The following DUSP9 variants were observed in gnomAD, a reference collection of about 807,000 sequenced individuals.
DUSP9 encodes the protein dual specificity protein phosphatase 9.
Under a neutral mutation model 13.2 loss-of-function variants are expected in DUSP9, and 4 were observed. The observed-to-expected ratio is 0.30, with a 90% CI of 0.15 to 0.69. The LOEUF (loss-of-function observed/expected upper bound fraction) is 0.69, where lower values mean the gene tolerates loss of function less well. Among genes scored for constraint, DUSP9 ranks in the 30% least tolerant of loss-of-function variants. DUSP9 has a pLI of 0.73. For missense variants in DUSP9, 263 were observed against 355.0 expected, an observed-to-expected ratio of 0.74 and a Z score of 2.08; for synonymous variants, 166 against 172.3, an observed-to-expected ratio of 0.96 and a Z score of 0.29.
upstream of DUSP9, chrX:153,642,591 G>T (rs1357594448): frequency 8.9e-6 from 1 of 112,071 alleles, no homozygotes; most frequent in African/African-American, 3.2e-5. Context: ...GAACCGGCGC[G>T]GAGAACCGAG....
chrX:153,649,461 A>G lies in DUSP9; in HGVS notation c.603A>G (p.Ala201=). Residue 201 remains alanine, a synonymous_variant, in exon 3 of 4, where the codon GCA becomes GCG. Transcript: ENST00000342782. ...CACCCCCACCAGTGGGGCTGCGGGC[A>G]TCCTTCCCTGTCCAGATCCTGCCCA... The part of the protein sequence containing the change: ...GATPPPVGLR[A]SFPVQILPNL... The G allele has an allele frequency of 1.7e-6, 2 of 1,211,704 alleles. No homozygotes were observed. The highest frequency in any genetic ancestry group is 4.3e-5 in the Admixed American group (2 of 46,140).
At chrX:153,645,459 G>A (rs1326946676), upstream of DUSP9, among the ~76,000 whole-genome samples, 2 of 113,064 alleles carry the variant, frequency 1.8e-5, no homozygotes, top group Non-Finnish European at 3.8e-5. Context: ...GGGAGTCCCC[G>A]GCTAGCAGCC....
Position 153,648,184 on chromosome X carries a change from C to G in DUSP9, c.231C>G (p.Pro77=), listed in dbSNP as rs2091196620. 1 of 1,029,163 alleles carries G rather than the reference C, an allele frequency of 9.7e-7. No individual in the cohort carries two copies. The highest frequency in any genetic ancestry group is 3.0e-5 in the South Asian group (1 of 33,622). The allele number at this position is 1,029,163 out of a possible 1,213,427, so 84.8% of individuals were successfully genotyped here. The part of the protein sequence containing the change: ...GPPLQPPPPA[P]VLLYDQGGGR... Reference sequence around the variant, plus strand: ...CGCTGCAGCCGCCCCCGCCTGCCCCCGTGCTCCTGTACGACCAGGGCGGGG... The same window carrying G: ...CGCTGCAGCCGCCCCCGCCTGCCCCGGTGCTCCTGTACGACCAGGGCGGGG... The change falls in exon 2 of 4, where the codon CCC becomes CCG. Residue 77 remains proline, a synonymous_variant. Transcript: ENST00000342782.
chrX:153,642,987 C>G (rs2091174657), upstream of DUSP9, among the ~76,000 whole-genome samples: 1 of 108,148 alleles, frequency 9.2e-6, no homozygotes, highest in Non-Finnish European at 1.9e-5. Flanking sequence ...CACACGCACG[C>G]TTCCAACACG....
In DUSP9 at chrX:153,649,084, G is replaced by A. The variant is rs948099120; in HGVS notation, c.374-148G>A. 2.9e-5 allele frequency: 16 copies of A among 560,923 alleles called. No individual in the cohort carries two copies. The African/African-American group carries it at 3.5e-4, about 12-fold the overall frequency. The allele number at this position is 560,923 out of a possible 1,213,427, so 46.2% of individuals were successfully genotyped here. On this transcript the variant is annotated intron_variant, in intron 2 of 3. Transcript: ENST00000342782. Reference sequence around the variant, plus strand: ...TGGCTAGGGCCCCACGTGGGTACCAGGACACACCAAGCTGCTGGGTTTTGT... The same window carrying A: ...TGGCTAGGGCCCCACGTGGGTACCAAGACACACCAAGCTGCTGGGTTTTGT...
rs147700708 is a variant in DUSP9, at chrX:153,649,321, G to A, written c.463G>A (p.Gly155Ser). ...RAGSSMAPVP[G>S]PVPVVGLGSL... ...CGGCTCCAGCATGGCGCCGGTGCCC[G>A]GTCCAGTGCCCGTGGTGGGGTTGGG... Residue 155 changes from glycine to serine, a missense_variant, in exon 3 of 4, where the codon GGT becomes AGT. Transcript: ENST00000342782. 41 of 1,209,279 alleles carry A rather than the reference G, an allele frequency of 3.4e-5. No individual in the cohort carries two copies. In the South Asian group the frequency reaches 3.7e-4, roughly 11 times the overall value.
At chrX:153,646,176 A>G (rs1569537921), upstream of DUSP9, among the ~76,000 whole-genome samples, 1 of 111,720 alleles carries the variant, frequency 9.0e-6, no homozygotes, top group East Asian at 2.8e-4. Context: ...CATTGTGGAC[A>G]CCTCCCCCTG....
Position 153,649,358 on chromosome X carries a change from T to C in DUSP9, c.500T>C (p.Leu167Pro). 8.3e-7 allele frequency: 1 copy of C among 1,211,112 alleles called. No homozygotes were observed. Among genetic ancestry groups the C allele is most frequent in the Non-Finnish European group, 1.1e-6 (1 of 895,535 alleles). The change falls in exon 3 of 4, where the codon CTG (leucine) becomes CCG (proline). Residue 167 changes from leucine to proline, a missense_variant. Physicochemically the swap from Leu to Pro is moderately conservative, Grantham distance 98. Transcript: ENST00000342782. The part of the protein sequence containing the change: ...VPVVGLGSLC[L>P]GSDCSDAESE... The stretch of plus-strand genomic sequence containing the variant: ...GTGGTGGGGTTGGGCAGCCTGTGCC[T>C]GGGCTCCGACTGCTCTGATGCGGAA...
Position 153,649,687 on chromosome X carries a change from G to T in DUSP9, c.829G>T (p.Asp277Tyr). 8.3e-7 allele frequency: 1 copy of T among 1,197,976 alleles called. No homozygotes were observed. ...RFFPEAIEFI[D>Y]EALSQNCGVL... ...CTTTCCGGAGGCCATTGAGTTCATT[G>T]GTGAGTCCACCCCACCCACCCTTCC... Residue 277 changes from aspartate (D) to tyrosine (Y), a missense_variant and splice_region_variant, in exon 3 of 4, where the codon GAT becomes TAT. Coordinates refer to ENST00000342782, the MANE Select transcript of DUSP9 (RefSeq NM_001318503.2).
upstream of DUSP9, chrX:153,643,670 T>C (rs1305810601): frequency 2.2e-5 from 6 of 271,702 alleles, no homozygotes; most frequent in Non-Finnish European, 3.6e-5. Context: ...GTGGGTTCCA[T>C]GGGGGCTGGC....
At chrX:153,649,774 C>T in intron 3 of DUSP9, 87 bp downstream of exon 3, 1 of 962,569 alleles carries the variant, frequency 1.0e-6, no homozygotes. Context: ...CCAAGCCCCG[C>T]TGCCATTCCC....
chrX:153,648,357 G>C, intron 2 of DUSP9, 31 bp downstream of exon 2: 1 of 1,086,504 alleles, frequency 9.2e-7, no homozygotes. Flanking sequence ...CTTCCAGGGG[G>C]TTCGGGATTC....
upstream of DUSP9, among the ~76,000 whole-genome samples, chrX:153,644,160 CCGCTCT>C (rs1421486845): frequency 9.3e-6 from 1 of 107,072 alleles, no homozygotes; most frequent in African/African-American, 3.4e-5. Context: ...CGGCGCGGCG[CCGCTCT>C]CGGGAGGCTC....
In DUSP9 at chrX:153,648,311, G is replaced by T. The variant is rs1557035875; in HGVS notation, c.358G>T (p.Ala120Ser). 1.8e-6 allele frequency: 2 copies of T among 1,132,379 alleles called. No homozygotes were observed. Among genetic ancestry groups the T allele is most frequent in the Admixed American group, 2.7e-5 (1 of 36,575 alleles). The allele number at this position is 1,132,379 out of a possible 1,213,427, so 93.3% of individuals were successfully genotyped here. ...LQKLREEGYL[A>S]YYLQGGFSRF... ...GAAGCTGCGAGAGGAAGGCTACCTG[G>T]CCTACTACCTCCAGGGTAGGTGCCG... Residue 120 changes from alanine to serine, a missense_variant, in exon 2 of 4, where the codon GCC becomes TCC. By Grantham distance (99) the Ala-to-Ser change is moderately conservative. Coordinates refer to ENST00000342782, the MANE Select transcript of DUSP9 (RefSeq NM_001318503.2).
At position 153,650,030 on chromosome X, in the gene DUSP9, G is replaced by C; in HGVS notation, c.880G>C (p.Val294Leu). The C allele has an allele frequency of 8.3e-7, 1 of 1,211,042 alleles. No homozygotes were observed. Among genetic ancestry groups the C allele is most frequent in the Non-Finnish European group, 1.1e-6 (1 of 895,420 alleles). The change falls in exon 4 of 4, where the codon GTC (valine) becomes CTC (leucine). Residue 294 changes from valine (V) to leucine (L), a missense_variant. Transcript: ENST00000342782. ...GGTGCTCGTCCACTGCTTGGCGGGG[G>C]TCAGCCGTTCTGTCACCGTCACTGT... The part of the protein sequence containing the change: ...CGVLVHCLAG[V>L]SRSVTVTVAY...
At chrX:153,649,915 G>C in intron 3 of DUSP9, 65 bp from the exon 4 acceptor site, 1 of 1,128,274 alleles carries the variant, frequency 8.9e-7, no homozygotes, top group South Asian at 2.0e-5. Context: ...AGGGCCCTTC[G>C]GAAGGCCTCG....
At chrX:153,643,622 ACCAAAGGGG>A (rs1557035135), upstream of DUSP9, 1 of 285,093 alleles carries the variant, frequency 3.5e-6, no homozygotes, top group African/African-American at 2.8e-5. Flanking sequence ...CCCAGGTGGG[ACCAAAGGGG>A]CGCCAGCTGC....
chrX:153,643,360 G>C, upstream of DUSP9: 4 of 300,544 alleles, frequency 1.3e-5, no homozygotes, highest in Non-Finnish European at 2.6e-5. Context: ...GCGGGCTCTA[G>C]AGGCTGCAGC....
Position 153,650,510 on chromosome X carries a change from A to C in DUSP9, c.*205A>C. 1 of 407,248 alleles carries C rather than the reference A, an allele frequency of 2.5e-6. No homozygotes were observed. The highest frequency in any genetic ancestry group is 4.2e-6 in the Non-Finnish European group (1 of 236,145). The allele number at this position is 407,248 out of a possible 1,213,427, so 33.6% of individuals were successfully genotyped here. ...GGAGCCTGCCTCTTCTGCGACTGTTACTTTTTCTTTGCGGGATGGGGGTGG... is the reference window on the plus strand; with the variant it reads ...GGAGCCTGCCTCTTCTGCGACTGTTCCTTTTTCTTTGCGGGATGGGGGTGG... On this transcript the variant is annotated 3_prime_UTR_variant, in exon 4 of 4. Coordinates refer to ENST00000342782, the MANE Select transcript of DUSP9 (RefSeq NM_001318503.2).
Sources: allele counts gnomAD v4.1 joint callset (sites outside exome capture counted in the v4.1 genomes callset), GRCh38; gene constraint gnomAD v4.1.1; transcripts MANE v1.5; gene names NCBI Gene and HGNC (gene_info 2026-07-23, HGNC 2026-07-21).